DMTN: variants seen among roughly 807,000 people sequenced by gnomAD.
DMTN encodes the protein dematin actin binding protein.
In DMTN, 27 loss-of-function variants were observed where a neutral mutation model predicts 59.4. The ratio of observed to expected loss-of-function variants is 0.45; its 90% confidence interval spans 0.33 to 0.63. The LOEUF (loss-of-function observed/expected upper bound fraction) is 0.63. Ranked by LOEUF, DMTN falls within the 20% of genes least tolerant of loss-of-function variation. The pLI, the probability that DMTN is intolerant of heterozygous loss-of-function variation, is 0.02. For missense variants in DMTN, 451 were observed against 528.9 expected, an observed-to-expected ratio of 0.85 and a Z score of 1.45; for synonymous variants, 221 against 203.7, an observed-to-expected ratio of 1.08 and a Z score of -0.72.
At chr8:22,052,062 GCA>G (rs142017073), upstream of DMTN, among the ~76,000 whole-genome samples, 3 of 151,668 alleles carry the variant, frequency 2.0e-5, no homozygotes, top group Non-Finnish European at 2.9e-5. Context: ...TCCTGCTCTA[GCA>G]CACACACACA....
chr8:22,061,031 G>C (rs1028070070), intron 1 of DMTN, among the ~76,000 whole-genome samples: 6 of 152,070 alleles, frequency 3.9e-5, no homozygotes, highest in Non-Finnish European at 7.4e-5. Flanking sequence ...CAACATTTTG[G>C]GAGGCAGAGG....
intron 8 of DMTN, among the ~76,000 whole-genome samples, chr8:22,071,769 A>G (rs966974951): frequency 5.3e-5 from 8 of 151,620 alleles, no homozygotes; most frequent in South Asian, 2.1e-4. Context: ...TTTAATAGAG[A>G]TGGGGTTTCA....
In DMTN at chr8:22,060,245, G is replaced by A. The variant is rs963630540; in HGVS notation, c.-172+3109G>A. On this transcript the variant is annotated intron_variant, in intron 1 of 15. Transcript: ENST00000358242. The surrounding 1 kb of genome is among the most constrained non-coding windows in gnomAD (Gnocchi z 5.0). ...CTTGGGGATGCAGGCACAGACAGGC[G>A]GGGTGCATGGATGGGAGAGGGGTCT... 2.6e-5 allele frequency among the ~76,000 whole-genome samples: 4 copies of A among 152,142 alleles called. No homozygotes were observed. The highest frequency in any genetic ancestry group is 2.1e-4 in the South Asian group (1 of 4,828).
At chr8:22,066,083 A>G (rs117921152) in intron 1 of DMTN, among the ~76,000 whole-genome samples, 2 of 152,084 alleles carry the variant, frequency 1.3e-5, no homozygotes, top group African/African-American at 4.8e-5. Flanking sequence ...GGTTCAAGCA[A>G]TCCTCCTGCC....
At chr8:22,067,006 C>A in intron 2 of DMTN, 79 bp from the exon 3 acceptor site, 3 of 1,320,364 alleles carry the variant, frequency 2.3e-6, no homozygotes, top group Admixed American at 3.9e-5. Flanking sequence ...CGCCCCGGGT[C>A]CCCCAGGCCT....
In DMTN at chr8:22,070,328, G is replaced by C; in HGVS notation, c.598G>C (p.Val200Leu). 1 of 1,607,000 alleles carries C rather than the reference G, an allele frequency of 6.2e-7. No homozygotes were observed. The highest frequency in any genetic ancestry group is 8.5e-7 in the Non-Finnish European group (1 of 1,176,372). Residue 200 changes from valine (V) to leucine (L), a missense_variant, in exon 8 of 16, where the codon GTT (valine) becomes CTT (leucine). Coordinates refer to ENST00000358242, the MANE Select transcript of DMTN (RefSeq NM_001387751.1). ...CTGGCCATGCCCCCCGTCTCTGGCT[G>C]TTGTGGGTAGGAGAGATGGGGAGAG... ...DYWPCPPSLAVVETEWRKRKA... is the reference protein window; with the variant it reads ...DYWPCPPSLALVETEWRKRKA...
intron 1 of DMTN, among the ~76,000 whole-genome samples, chr8:22,065,350 G>C (rs541590290): frequency 5.0e-4 from 76 of 152,304 alleles, no homozygotes; most frequent in African/African-American, 1.7e-3. Flanking sequence ...TCTAGTTAGG[G>C]AGAAAACATG....
intron 1 of DMTN, among the ~76,000 whole-genome samples, chr8:22,063,334 C>T (rs554287827): frequency 3.3e-5 from 5 of 152,334 alleles, no homozygotes; most frequent in South Asian, 2.1e-4. Flanking sequence ...CTGCAGCTTC[C>T]GGGCTGGTCT....
chr8:22,067,143 C>A lies in DMTN; in HGVS notation c.77C>A (p.Ser26Tyr). 1 of 1,608,834 alleles carries A rather than the reference C, an allele frequency of 6.2e-7. No homozygotes were observed. Among genetic ancestry groups the A allele is most frequent in the Non-Finnish European group, 8.5e-7 (1 of 1,177,940 alleles). The change falls in exon 3 of 16, where the codon TCT becomes TAT. Residue 26 changes from serine to tyrosine, a missense_variant. Transcript: ENST00000358242. ...SPSRDSSVPG[S>Y]PSSIVAKMDN... ...TCCCGAGATTCCAGTGTGCCTGGCTCTCCCTCCAGCATCGTGGTGAGTACC... is the reference window on the plus strand; with the variant it reads ...TCCCGAGATTCCAGTGTGCCTGGCTATCCCTCCAGCATCGTGGTGAGTACC...
chr8:22,075,092 CAGG>C (rs965228689), intron 10 of DMTN, among the ~76,000 whole-genome samples: 1 of 149,864 alleles, frequency 6.7e-6, no homozygotes, highest in African/African-American at 2.5e-5. Flanking sequence ...GAGGCCGAGG[CAGG>C]AGAATTGCTT....
At chr8:22,055,387 G>A (rs1216550356), upstream of DMTN, 4 of 152,380 alleles carry the variant, frequency 2.6e-5, no homozygotes, top group African/African-American at 7.2e-5. Context: ...TCTAGGGCTG[G>A]AGTGGGGCTG....
At chr8:22,079,436 C>T (rs1353407334) in intron 10 of DMTN, among the ~76,000 whole-genome samples, 2 of 150,862 alleles carry the variant, frequency 1.3e-5, no homozygotes, top group African/African-American at 4.9e-5. Flanking sequence ...GGATGACACA[C>T]GGAGACCCCA....
At chr8:22,063,799 C>T (rs112489483) in intron 1 of DMTN, among the ~76,000 whole-genome samples, 1,885 of 152,314 alleles carry the variant, frequency 0.012, 43 homozygotes, top group African/African-American at 0.044. Flanking sequence ...TCTCCTGTGA[C>T]TTTTCATAGT....
chr8:22,075,620 G>A (rs112073518), intron 10 of DMTN, among the ~76,000 whole-genome samples: 17,861 of 147,192 alleles, frequency 0.12, 1,175 homozygotes, highest in Admixed American at 0.16. Flanking sequence ...CCAGGTTCAA[G>A]CAATTCTCCT....
intron 10 of DMTN, among the ~76,000 whole-genome samples, chr8:22,079,781 T>A (rs917872618): frequency 6.6e-6 from 1 of 152,116 alleles, no homozygotes; most frequent in Non-Finnish European, 1.5e-5. Flanking sequence ...TTTTTTTTTT[T>A]AGATTTGATT....
rs909312684 is a variant in DMTN, at chr8:22,060,397, T to C, written c.-172+3261T>C. Among the ~76,000 whole-genome samples the C allele has an allele frequency of 6.7e-6, 1 of 148,724 alleles. No homozygotes were observed. Among genetic ancestry groups the C allele is most frequent in the African/African-American group, 2.5e-5 (1 of 39,726 alleles). On this transcript the variant is annotated intron_variant, in intron 1 of 15. Coordinates refer to ENST00000358242, the MANE Select transcript of DMTN (RefSeq NM_001387751.1). This position sits in a 1 kb window ranked among gnomAD's most constrained non-coding sequence, Gnocchi z 5.0. ...AAGCCAAGGAAACTCTCTCTCTCTT[T>C]CTCTCTTTCTGTCTCGCTCTCTCTC...
chr8:22,069,294 C>A, intron 5 of DMTN, 125 bp from the exon 6 acceptor site: 1 of 936,486 alleles, frequency 1.1e-6, no homozygotes. Flanking sequence ...CACAACATTG[C>A]CCTGGGTTTG....
At chr8:22,050,332 G>A (rs557153327), upstream of DMTN, among the ~76,000 whole-genome samples, 1 of 152,044 alleles carries the variant, frequency 6.6e-6, no homozygotes, top group Non-Finnish European at 1.5e-5. Flanking sequence ...AAGGAGGTGT[G>A]TTGGGGAGGG....
Position 22,066,732 on chromosome 8 carries a change from G to A in DMTN, c.-144G>A. ...TGGAGAGTCACCGCCGAGGGATGAG[G>A]ACGCGCCAGCCCGGGGGAACGCGCC... On this transcript the variant is annotated 5_prime_UTR_variant, in exon 2 of 16. Coordinates refer to ENST00000358242, the MANE Select transcript of DMTN (RefSeq NM_001387751.1). 1.1e-6 allele frequency: 1 copy of A among 909,220 alleles called. No homozygotes were observed. Among genetic ancestry groups the A allele is most frequent in the Non-Finnish European group, 1.5e-6 (1 of 683,254 alleles). The allele number at this position is 909,220 out of a possible 1,614,324, so 56.3% of individuals were successfully genotyped here.
Sources: allele counts gnomAD v4.1 joint callset (sites outside exome capture counted in the v4.1 genomes callset), GRCh38; gene constraint gnomAD v4.1.1; non-coding constraint Gnocchi (gnomAD v3.1); transcripts MANE v1.5; gene names NCBI Gene and HGNC (gene_info 2026-07-23, HGNC 2026-07-21).